The following GPD2 variants were observed in gnomAD, a reference collection of about 807,000 sequenced individuals.
The protein encoded by GPD2 is glycerol-3-phosphate dehydrogenase 2.
In GPD2, 54 loss-of-function variants were observed where a neutral mutation model predicts 82.4. The ratio of observed to expected loss-of-function variants is 0.66; its 90% CI spans 0.53 to 0.82. The LOEUF is 0.82. GPD2 is among the 40% of genes least tolerant of loss of function. GPD2 has a pLI of 0.00. For missense variants in GPD2, 748 were observed against 896.2 expected (o/e 0.83, Z 2.11); for synonymous variants, 288 against 306.1 (o/e 0.94, Z 0.62).
the GPD2 span, among the ~76,000 whole-genome samples, chr2:156,425,396 A>T: frequency 1.3e-5 from 2 of 152,088 alleles, 1 homozygote; most frequent in South Asian, 4.1e-4. Context: ...CTTCTTTTCA[A>T]GCCGTTATTC....
intron 9 of GPD2, among the ~76,000 whole-genome samples, chr2:156,562,400 C>T (rs1171723336): frequency 6.6e-6 from 1 of 152,134 alleles, no homozygotes; most frequent in Non-Finnish European, 1.5e-5. Flanking sequence ...TTTGCTTTTT[C>T]TAGTTTCATT....
chr2:156,451,599 G>A (rs938473072), intron 1 of GPD2, among the ~76,000 whole-genome samples: 4 of 142,236 alleles, frequency 2.8e-5, no homozygotes, highest in Non-Finnish European at 4.6e-5. Flanking sequence ...CGGACAGGGC[G>A]GCTGGCCCGG....
intron 6 of GPD2, among the ~76,000 whole-genome samples, chr2:156,517,640 C>T (rs577455633): frequency 7.2e-5 from 11 of 152,280 alleles, no homozygotes; most frequent in African/African-American, 2.6e-4. Flanking sequence ...GGTGACCAGG[C>T]CAACTTTCTC....
intron 2 of GPD2, among the ~76,000 whole-genome samples, chr2:156,488,724 G>T (rs1266006580): frequency 6.6e-6 from 1 of 151,896 alleles, no homozygotes; most frequent in Admixed American, 6.6e-5. Flanking sequence ...AACTATCAAA[G>T]ATTGTGAACT....
chr2:156,534,226 T>C (rs691637), intron 6 of GPD2, among the ~76,000 whole-genome samples: 106,961 of 152,034 alleles, frequency 0.7, 37,804 homozygotes, highest in Middle Eastern at 0.82. Context: ...CTCTTCTTGA[T>C]GTTTAAATGC....
chr2:156,553,671 T>C (rs12474824), intron 8 of GPD2, among the ~76,000 whole-genome samples: 4,457 of 152,308 alleles, frequency 0.029, 95 homozygotes, highest in Non-Finnish European at 0.046. Context: ...CTTAAAATCA[T>C]GTTTTTACAA....
intron 1 of GPD2, among the ~76,000 whole-genome samples, chr2:156,439,656 G>T (rs1447531895): frequency 6.7e-6 from 1 of 149,028 alleles, no homozygotes; most frequent in Non-Finnish European, 1.5e-5. Flanking sequence ...AGACCAGCCT[G>T]GCCAACATGG....
rs183716930 is a variant in GPD2 at position 156,569,502 on chromosome 2, C to T, written c.1440C>T (p.Tyr480=). The T allele has an allele frequency of 9.9e-5, 159 of 1,613,212 alleles. 1 individual carries two copies. In the East Asian group the frequency reaches 1.9e-3, roughly 19 times the overall value. The change falls in exon 11 of 17, where the codon TAC becomes TAT. Residue 480 remains tyrosine, a synonymous_variant. Transcript: ENST00000438166. ...QGGKDWSPTL[Y]IRLVQDYGLE... ...GTAAAGATTGGAGCCCCACACTCTA[C>T]ATTAGGCTTGTGCAGGATTATGGAC...
In GPD2 at chr2:156,585,552, A is replaced by G. The variant is rs1688188647; in HGVS notation, c.*2634A>G. The stretch of plus-strand genomic sequence containing the variant: ...TGCTGTTTGCAATATTCTTGCTTTC[A>G]ATCAATTTATACTGAGTGTAACTTT... On this transcript the variant is annotated 3_prime_UTR_variant, in exon 17 of 17. Coordinates refer to ENST00000438166, the MANE Select transcript of GPD2 (RefSeq NM_000408.5). 1 of 152,436 alleles carries G rather than the reference A, an allele frequency of 6.6e-6. No homozygotes were observed. Among genetic ancestry groups the G allele is most frequent in the East Asian group, 1.9e-4 (1 of 5,170 alleles). The allele number at this position is 152,436 out of a possible 1,614,324, so 9.4% of individuals were successfully genotyped here.
chr2:156,444,465 C>A (rs1371054554), intron 1 of GPD2, among the ~76,000 whole-genome samples: 2 of 152,150 alleles, frequency 1.3e-5, no homozygotes, highest in Admixed American at 6.5e-5. Context: ...GTAATCCCAG[C>A]ACTTTGGGAG....
At chr2:156,574,974 A>G (rs1465155516) in intron 13 of GPD2, among the ~76,000 whole-genome samples, 2 of 152,162 alleles carry the variant, frequency 1.3e-5, no homozygotes, top group South Asian at 2.1e-4. Context: ...CCCTGTTTTT[A>G]TGTGTGAAAA....
chr2:156,579,811 A>G (rs750763276), intron 16 of GPD2, 23 bp downstream of exon 16: 49 of 1,091,954 alleles, frequency 4.5e-5, no homozygotes, highest in Non-Finnish European at 6.7e-5. Flanking sequence ...GAAAGGAAAC[A>G]AGGATATTTG....
At position 156,452,002 on chromosome 2, in the gene GPD2, C is replaced by T. The variant is rs547063977; in HGVS notation, c.-9+15489C>T. On this transcript the variant is annotated intron_variant, in intron 1 of 16. Coordinates refer to ENST00000438166, the MANE Select transcript of GPD2 (RefSeq NM_000408.5). The stretch of plus-strand genomic sequence containing the variant: ...CCCCACATCTCAGACGATGGGCGGC[C>T]GGGCAGAGATGCTTCTCTCTTCCTA... 3.9e-4 allele frequency among the ~76,000 whole-genome samples: 59 copies of T among 151,516 alleles called. No individual in the cohort carries two copies. The South Asian group carries it at 0.012, about 31-fold the overall frequency.
At chr2:156,413,203 C>T in the GPD2 span, among the ~76,000 whole-genome samples, 3 of 151,882 alleles carry the variant, frequency 2.0e-5, no homozygotes, top group Non-Finnish European at 2.9e-5. Context: ...TCTCTGAGCT[C>T]GTAAAAATGG....
rs373946105 is a variant in GPD2, at chr2:156,568,912, G to T, written c.1253G>T (p.Arg418Leu). The T allele has an allele frequency of 1.2e-6, 2 of 1,611,648 alleles. No homozygotes were observed. The highest frequency in any genetic ancestry group is 4.5e-5 in the East Asian group (2 of 44,854). ...PKSADTQSISRNHVVDISESG... is the reference protein window; with the variant it reads ...PKSADTQSISLNHVVDISESG... ...TCTGCAGATACTCAGTCTATCTCCC[G>T]AAATCATGTTGTTGATATCAGTGAG... Residue 418 changes from arginine (R) to leucine (L), a missense_variant, in exon 10 of 17, where the codon CGA (arginine) becomes CTA (leucine). By Grantham distance (102) the Arg-to-Leu change is moderately radical. Transcript: ENST00000438166.
intron 6 of GPD2, among the ~76,000 whole-genome samples, chr2:156,524,613 A>G (rs759836311): frequency 4.6e-5 from 7 of 152,288 alleles, no homozygotes; most frequent in Middle Eastern, 3.4e-3. Context: ...CAGGAGACCA[A>G]AGCAGAAACA....
At chr2:156,494,151 C>T (rs553364431) in intron 2 of GPD2, among the ~76,000 whole-genome samples, 1 of 152,172 alleles carries the variant, frequency 6.6e-6, no homozygotes, top group African/African-American at 2.4e-5. Flanking sequence ...GGTTTGGTGT[C>T]AGAATTTGTA....
chr2:156,504,564 C>G (rs538009441), intron 3 of GPD2, among the ~76,000 whole-genome samples: 1 of 151,756 alleles, frequency 6.6e-6, no homozygotes, highest in Admixed American at 6.6e-5. Context: ...TTAGAAATAT[C>G]TTAATAGTGA....
chr2:156,508,089 G>C (rs572862419), intron 3 of GPD2, among the ~76,000 whole-genome samples: 1 of 152,006 alleles, frequency 6.6e-6, no homozygotes, highest in Non-Finnish European at 1.5e-5. Flanking sequence ...ACTTGGTGGC[G>C]TAAAACAACA....
Sources: allele counts gnomAD v4.1 joint callset (sites outside exome capture counted in the v4.1 genomes callset), GRCh38; gene constraint gnomAD v4.1.1; transcripts MANE v1.5; gene names NCBI Gene and HGNC (gene_info 2026-07-23, HGNC 2026-07-21).